Variants in UBAC1 observed in about 807,000 individuals in gnomAD.
UBAC1 encodes the protein ubiquitin-associated domain-containing protein 1.
In UBAC1, 27 loss-of-function variants were observed where a neutral mutation model predicts 45.9. The observed-to-expected ratio is 0.59, with a 90% confidence interval of 0.43 to 0.81. The LOEUF is 0.81. UBAC1 is among the 30% of genes least tolerant of loss of function. The pLI, the probability that UBAC1 is intolerant of heterozygous loss-of-function variation, is 0.00. For synonymous variants in UBAC1, 227 were observed against 215.5 expected (o/e 1.05, Z -0.47); for missense variants, 529 against 539.2 (o/e 0.98, Z 0.19).
At chr9:135,939,512 A>C (rs1382808161) in intron 8 of UBAC1, among the ~76,000 whole-genome samples, 161 bp downstream of exon 8, 3 of 148,140 alleles carry the variant, frequency 2.0e-5, no homozygotes, top group Non-Finnish European at 3.0e-5. Flanking sequence ...CACTCAGCCC[A>C]CACTCACTCA....
chr9:135,946,822 G>A (rs1839343513), intron 4 of UBAC1, among the ~76,000 whole-genome samples: 1 of 152,212 alleles, frequency 6.6e-6, no homozygotes, highest in South Asian at 2.1e-4. Context: ...GAGGAGCCGT[G>A]GGATGGACCG....
At chr9:135,952,835 C>T (rs995814087) in intron 3 of UBAC1, among the ~76,000 whole-genome samples, 3 of 152,224 alleles carry the variant, frequency 2.0e-5, no homozygotes, top group African/African-American at 7.2e-5. Context: ...CATTTTGGCA[C>T]TCAAAAAGTT....
At chr9:135,944,288 T>G (rs982205044) in intron 7 of UBAC1, among the ~76,000 whole-genome samples, 1 of 152,132 alleles carries the variant, frequency 6.6e-6, no homozygotes, top group African/African-American at 2.4e-5. Context: ...CCCAGGTGGA[T>G]GTCTACAGCC....
chr9:135,944,751 C>T (rs759607873), intron 7 of UBAC1, among the ~76,000 whole-genome samples: 3 of 152,236 alleles, frequency 2.0e-5, no homozygotes, highest in Non-Finnish European at 2.9e-5. Context: ...CAAAAGGTGA[C>T]GAATGTGGCA....
chr9:135,934,017 G>C (rs1839177221), intron 9 of UBAC1, among the ~76,000 whole-genome samples: 1 of 152,192 alleles, frequency 6.6e-6, no homozygotes, highest in South Asian at 2.1e-4. Flanking sequence ...GAAAACTTGG[G>C]TTTTAACAGC....
At chr9:135,949,614 G>A (rs1197006070) in intron 3 of UBAC1, among the ~76,000 whole-genome samples, 3 of 152,208 alleles carry the variant, frequency 2.0e-5, no homozygotes, top group African/African-American at 4.8e-5. Context: ...GCTGGAATAC[G>A]AGGCCTCCAG....
Position 135,942,883 on chromosome 9 carries a change from C to A in UBAC1, c.876+2145G>T, listed in dbSNP as rs1056375125. Among the ~76,000 whole-genome samples, 7 of 151,940 alleles carry A rather than the reference C, an allele frequency of 4.6e-5. No homozygotes were observed. The South Asian group carries it at 1.5e-3, about 32-fold the overall frequency. ...CTGAGACCCTTACTTAAAACAGGAC[C>A]CTGAAAAGATGAGAAAATAGACTAG... On this transcript the variant is annotated intron_variant, in intron 7 of 9. Coordinates refer to ENST00000371756, the MANE Select transcript of UBAC1 (RefSeq NM_016172.3).
chr9:135,945,835 C>T, intron 6 of UBAC1, 54 bp downstream of exon 6: 1 of 1,509,614 alleles, frequency 6.6e-7, no homozygotes, highest in African/African-American at 1.4e-5. Flanking sequence ...GGGAGCCCCA[C>T]AAAACCAGGC....
At chr9:135,960,711 G>A (rs1839523443) in intron 1 of UBAC1, among the ~76,000 whole-genome samples, 2 of 152,268 alleles carry the variant, frequency 1.3e-5, no homozygotes, top group South Asian at 4.1e-4. Context: ...CTCCCTGCGT[G>A]GCTGCAGAGT....
chr9:135,959,424 G>A (rs1839506531), intron 1 of UBAC1, among the ~76,000 whole-genome samples: 1 of 148,418 alleles, frequency 6.7e-6, no homozygotes, highest in South Asian at 2.1e-4. Context: ...CGCCAGGCTG[G>A]AGTGCAGTGG....
intron 1 of UBAC1, among the ~76,000 whole-genome samples, chr9:135,957,901 A>G (rs1369589517): frequency 6.7e-6 from 1 of 150,140 alleles, no homozygotes; most frequent in Non-Finnish European, 1.5e-5. Flanking sequence ...CAGCCTCCTG[A>G]GTAGGTGGGA....
intron 3 of UBAC1, among the ~76,000 whole-genome samples, chr9:135,951,102 CCTAA>C (rs756903589): frequency 4.6e-5 from 7 of 151,934 alleles, no homozygotes; most frequent in Admixed American, 6.6e-5. Flanking sequence ...TGCCAACAAG[CCTAA>C]CTAACTTTTT....
At chr9:135,946,168 A>C in intron 5 of UBAC1, 101 bp downstream of exon 5, 1 of 1,069,376 alleles carries the variant, frequency 9.4e-7, no homozygotes, top group Non-Finnish European at 1.4e-6. Context: ...GCTTCCATAA[A>C]GCACTGAGGT....
chr9:135,952,040 T>G (rs565098279), intron 3 of UBAC1, among the ~76,000 whole-genome samples: 1 of 152,328 alleles, frequency 6.6e-6, no homozygotes, highest in South Asian at 2.1e-4. Context: ...AACTGTAATC[T>G]GAGAACTGTG....
chr9:135,955,172 G>A (rs891047547), intron 2 of UBAC1, 123 bp downstream of exon 2: 36 of 1,047,954 alleles, frequency 3.4e-5, no homozygotes, highest in Non-Finnish European at 3.8e-5. Flanking sequence ...AGTCGATCTC[G>A]TTTTTGTGCT....
intron 9 of UBAC1, among the ~76,000 whole-genome samples, chr9:135,936,892 CCA>C (rs1052275345): frequency 4.6e-5 from 7 of 152,172 alleles, no homozygotes; most frequent in African/African-American, 1.7e-4. Flanking sequence ...AGGAAATAAA[CCA>C]GAAACTGAAC....
intron 6 of UBAC1, 32 bp downstream of exon 6, chr9:135,945,857 C>A: frequency 6.3e-7 from 1 of 1,593,946 alleles, no homozygotes; most frequent in Non-Finnish European, 8.6e-7. Context: ...CCAGGTGTCT[C>A]CGGCAAGGGA....
In UBAC1 at chr9:135,947,168, C is replaced by T. The variant is rs574884221; in HGVS notation, c.441+630G>A. ...CAGCACGTGCCTGCCCTGCCTGCTGCGGCGTCCACGTGAGCACTGCAAACA... is the reference window on the plus strand; with the variant it reads ...CAGCACGTGCCTGCCCTGCCTGCTGTGGCGTCCACGTGAGCACTGCAAACA... On this transcript the variant is annotated intron_variant, in intron 4 of 9. Transcript: ENST00000371756. 7.2e-5 allele frequency among the ~76,000 whole-genome samples: 11 copies of T among 152,348 alleles called. No individual in the cohort carries two copies. The East Asian group carries it at 1.5e-3, about 21-fold the overall frequency.
At chr9:135,936,499 C>CTTT (rs202151720) in intron 9 of UBAC1, among the ~76,000 whole-genome samples, 4 of 141,774 alleles carry the variant, frequency 2.8e-5, no homozygotes, top group African/African-American at 5.2e-5. Flanking sequence ...TTTCCTTTTT[C>CTTT]TTTTTTTTTT....
Sources: allele counts gnomAD v4.1 joint callset (sites outside exome capture counted in the v4.1 genomes callset), GRCh38; gene constraint gnomAD v4.1.1; transcripts MANE v1.5; gene names NCBI Gene and HGNC (gene_info 2026-07-23, HGNC 2026-07-21).